Variants in SRBD1 observed in about 807,000 individuals in gnomAD.
SRBD1 encodes the protein S1 RNA binding domain 1.
In SRBD1, 88 loss-of-function variants were observed where a neutral mutation model predicts 115.3. The observed-to-expected ratio is 0.76, with a 90% CI of 0.64 to 0.91. SRBD1 has a LOEUF of 0.91. SRBD1 is among the 40% of genes least tolerant of loss of function. The probability of loss-of-function intolerance (pLI) is 0.00; values close to 1 mark genes in which losing one functional copy is unlikely to be tolerated. For missense variants in SRBD1, 1,385 were observed against 1,177.4 expected, an observed-to-expected ratio of 1.18 and a Z score of -2.58; for synonymous variants, 509 against 407.7, an observed-to-expected ratio of 1.25 and a Z score of -2.99.
intron 14 of SRBD1, among the ~76,000 whole-genome samples, chr2:45,536,837 C>T (rs1399860874): frequency 2.6e-5 from 4 of 152,104 alleles, no homozygotes; most frequent in Admixed American, 2.0e-4. Context: ...AAGACTCTTG[C>T]GGGCCAATCT....
intron 16 of SRBD1, among the ~76,000 whole-genome samples, chr2:45,444,948 T>C (rs909293796): frequency 6.6e-6 from 1 of 152,186 alleles, no homozygotes; most frequent in Non-Finnish European, 1.5e-5. Flanking sequence ...CTTTGCCAGA[T>C]GATGAACATA....
At chr2:45,582,549 T>A (rs1484240180) in intron 5 of SRBD1, among the ~76,000 whole-genome samples, 1 of 152,186 alleles carries the variant, frequency 6.6e-6, no homozygotes, top group East Asian at 1.9e-4. Flanking sequence ...AACTTTGAAT[T>A]TATTCACTGA....
chr2:45,400,615 C>T (rs139257937), intron 19 of SRBD1, among the ~76,000 whole-genome samples: 1 of 151,952 alleles, frequency 6.6e-6, no homozygotes, highest in African/African-American at 2.4e-5. Context: ...AACTCTCCCC[C>T]ACTCCCTCCA....
At chr2:45,583,948 T>C (rs1046402202) in intron 5 of SRBD1, among the ~76,000 whole-genome samples, 5 of 152,218 alleles carry the variant, frequency 3.3e-5, no homozygotes, top group African/African-American at 1.2e-4. Context: ...ATTCTTGATA[T>C]ACAGCTCCTA....
chr2:45,601,817 C>T lies in SRBD1; in HGVS notation c.261+86G>A, dbSNP rs116681635. 3.4e-3 allele frequency: 5,139 copies of T among 1,514,826 alleles called. 12 individuals carry two copies. Among genetic ancestry groups the T allele is most frequent in the Middle Eastern group, 5.4e-3 (26 of 4,832 alleles). 93.8% of individuals were successfully genotyped at this position (1,514,826 alleles called of 1,614,324 possible). A position where few individuals can be genotyped will look rare whatever the true frequency, so the allele number is the denominator to read the frequency against. ...GCTGGCAGTTTTTGTCATTTACATGCCTTGTCCTACTCTGTAGAATAAGAA... is the reference window on the plus strand; with the variant it reads ...GCTGGCAGTTTTTGTCATTTACATGTCTTGTCCTACTCTGTAGAATAAGAA... On this transcript the variant is annotated intron_variant, in intron 3 of 20. Transcript: ENST00000263736.
In SRBD1 at chr2:45,413,156, T is replaced by A; in HGVS notation, c.2471A>T (p.Asp824Val). ...VNVLLKPNPL[D>V]QTCIHPESYD... ...TGATTCTGGATGAATACAAGTTTGG[T>A]CCAAAGGATTTGGCTTCAGTAAAAC... The change falls in exon 19 of 21, where the codon GAC (aspartate) becomes GTC (valine). Residue 824 changes from aspartate (D) to valine (V), a missense_variant. Physicochemically the swap from Asp to Val is radical, Grantham distance 152. Transcript: ENST00000263736. 7 of 1,614,130 alleles carry A rather than the reference T, an allele frequency of 4.3e-6. No homozygotes were observed. The highest frequency in any genetic ancestry group is 5.9e-6 in the Non-Finnish European group (7 of 1,179,990).
At chr2:45,512,105 G>A (rs1370901543) in intron 14 of SRBD1, among the ~76,000 whole-genome samples, 1 of 152,136 alleles carries the variant, frequency 6.6e-6, no homozygotes, top group Non-Finnish European at 1.5e-5. Context: ...ATGCAAAGTG[G>A]TATGCAGACC....
chr2:45,468,689 C>G (rs757111594), intron 16 of SRBD1, among the ~76,000 whole-genome samples: 11 of 152,044 alleles, frequency 7.2e-5, no homozygotes, highest in African/African-American at 1.2e-4. Context: ...TGCCCAGTCT[C>G]AATGAATTTA....
intron 16 of SRBD1, among the ~76,000 whole-genome samples, chr2:45,442,512 G>A (rs1668700323): frequency 6.6e-6 from 1 of 152,134 alleles, no homozygotes; most frequent in Admixed American, 6.5e-5. Context: ...CAGAGTTAAA[G>A]AAAATACAAA....
chr2:45,391,375 G>A (rs1020163375), intron 20 of SRBD1, among the ~76,000 whole-genome samples: 6 of 152,052 alleles, frequency 3.9e-5, no homozygotes, highest in Non-Finnish European at 7.4e-5. Flanking sequence ...CAAAACAAAA[G>A]ACAGAATTAT....
At chr2:45,601,769 G>T in intron 3 of SRBD1, 134 bp downstream of exon 3, 1 of 1,178,440 alleles carries the variant, frequency 8.5e-7, no homozygotes, top group Non-Finnish European at 1.2e-6. Flanking sequence ...CAAAAATTAA[G>T]ACCCAGGGTA....
chr2:45,550,173 T>A (rs990400888), intron 12 of SRBD1, among the ~76,000 whole-genome samples: 19 of 152,012 alleles, frequency 1.2e-4, no homozygotes, highest in Non-Finnish European at 1.0e-4. Flanking sequence ...AAATTAGACA[T>A]AGCAGGATAG....
intron 16 of SRBD1, among the ~76,000 whole-genome samples, chr2:45,439,463 G>A (rs1040412255): frequency 2.0e-5 from 3 of 150,760 alleles, no homozygotes; most frequent in African/African-American, 7.3e-5. Flanking sequence ...ATTAACCACT[G>A]TTGACTGAGA....
chr2:45,519,302 A>T (rs1261099739), intron 14 of SRBD1, among the ~76,000 whole-genome samples: 1 of 152,130 alleles, frequency 6.6e-6, no homozygotes, highest in African/African-American at 2.4e-5. Flanking sequence ...ACTATACAAC[A>T]TGGGGACCCC....
intron 14 of SRBD1, among the ~76,000 whole-genome samples, chr2:45,534,819 G>A (rs1466572582): frequency 1.3e-5 from 2 of 151,808 alleles, no homozygotes; most frequent in African/African-American, 4.8e-5. Flanking sequence ...TAAGTCTACT[G>A]ATTTTTTGGA....
intron 9 of SRBD1, among the ~76,000 whole-genome samples, chr2:45,564,371 C>G (rs972832448): frequency 1.3e-5 from 2 of 152,178 alleles, no homozygotes; most frequent in Non-Finnish European, 2.9e-5. Context: ...AGGAACAAGA[C>G]AAGCGTGTCC....
intron 16 of SRBD1, among the ~76,000 whole-genome samples, chr2:45,425,123 A>C (rs1270994112): frequency 1.3e-5 from 2 of 152,154 alleles, no homozygotes; most frequent in Non-Finnish European, 2.9e-5. Flanking sequence ...AAATTTCCTT[A>C]TTGTTCAGGC....
chr2:45,551,907 G>A (rs1672313289), intron 11 of SRBD1, among the ~76,000 whole-genome samples: 1 of 152,086 alleles, frequency 6.6e-6, no homozygotes. Flanking sequence ...ATATGCATTG[G>A]AAAAGACAAG....
chr2:45,604,627 G>A (rs1185846171), intron 2 of SRBD1, among the ~76,000 whole-genome samples: 1 of 152,058 alleles, frequency 6.6e-6, no homozygotes, highest in African/African-American at 2.4e-5. Flanking sequence ...CTTTGCACTT[G>A]CTGCTTTCTC....
Sources: allele counts gnomAD v4.1 joint callset (sites outside exome capture counted in the v4.1 genomes callset), GRCh38; gene constraint gnomAD v4.1.1; transcripts MANE v1.5; gene names NCBI Gene and HGNC (gene_info 2026-07-23, HGNC 2026-07-21).